TNRC6A: variants seen among roughly 807,000 people sequenced by gnomAD.
TNRC6A encodes the protein trinucleotide repeat-containing gene 6A protein.
Under a neutral mutation model 221.2 loss-of-function variants are expected in TNRC6A, and 44 were observed. The observed-to-expected ratio is 0.20, with a 90% CI of 0.16 to 0.26. The LOEUF is 0.26. Among genes scored for constraint, TNRC6A ranks in the 10% least tolerant of loss-of-function variants. The pLI, the probability that TNRC6A is intolerant of heterozygous loss-of-function variation, is 1.00. For missense variants in TNRC6A, 2,199 were observed against 2,404.4 expected (o/e 0.91, Z 1.79); for synonymous variants, 847 against 838.5 (o/e 1.01, Z -0.18).
intron 1 of TNRC6A, among the ~76,000 whole-genome samples, chr16:24,613,805 G>T (rs1269735793): frequency 6.6e-6 from 1 of 152,038 alleles, no homozygotes; most frequent in East Asian, 1.9e-4. Context: ...CAAAGTGCTG[G>T]GACTACAGGC....
Position 24,789,777 on chromosome 16 carries a change from G to T in TNRC6A, c.1135G>T (p.Ala379Ser), listed in dbSNP as rs201735810. The change falls in exon 6 of 25, where the codon GCC (alanine) becomes TCC (serine). Residue 379 changes from alanine (A) to serine (S), a missense_variant. By Grantham distance (99) the Ala-to-Ser change is moderately conservative. Around this residue, in one of 8 missense-constraint regions of TNRC6A, gnomAD observed 1,405 missense variants for 1,400.2 expected, o/e 1.00. Transcript: ENST00000395799. ...AWPVLENNGL[A>S]LKGPVGSGSS... is the part of the protein sequence containing the mutation. ...GCCAGTATTAGAGAACAATGGACTT[G>T]CCCTAAAAGGGCCTGTAGGGAGTGG... The T allele has an allele frequency of 6.9e-5, 111 of 1,614,176 alleles. 1 individual carries two copies. Among genetic ancestry groups the T allele is most frequent in the South Asian group, 6.3e-4 (57 of 91,086 alleles).
chr16:24,696,486 A>G (rs1373666711), intron 2 of TNRC6A, among the ~76,000 whole-genome samples: 1 of 151,790 alleles, frequency 6.6e-6, no homozygotes, highest in Non-Finnish European at 1.5e-5. Flanking sequence ...ATCCTAGTAC[A>G]CTGGGAGGCT....
intron 18 of TNRC6A, among the ~76,000 whole-genome samples, chr16:24,813,167 A>G (rs1197339032): frequency 6.6e-6 from 1 of 151,980 alleles, no homozygotes; most frequent in Admixed American, 6.6e-5. Context: ...GTGAGCCACC[A>G]TGCCTTGCCT....
intron 1 of TNRC6A, among the ~76,000 whole-genome samples, chr16:24,610,978 T>A (rs984945248): frequency 1.3e-5 from 2 of 151,918 alleles, no homozygotes; most frequent in Non-Finnish European, 2.9e-5. Flanking sequence ...ACCCGTCTAA[T>A]TTTTTTGTAT....
intron 9 of TNRC6A, 181 bp downstream of exon 9, chr16:24,796,120 G>C: frequency 1.9e-6 from 1 of 538,952 alleles, no homozygotes; most frequent in Non-Finnish European, 3.3e-6. Flanking sequence ...GGGGCATTAG[G>C]AGAGCTTCAT....
intron 5 of TNRC6A, among the ~76,000 whole-genome samples, chr16:24,787,718 A>G (rs549590531): frequency 3.2e-4 from 48 of 152,312 alleles, no homozygotes; most frequent in Admixed American, 6.5e-4. Flanking sequence ...ATGCATTTAT[A>G]TCATTTCCGG....
intron 2 of TNRC6A, among the ~76,000 whole-genome samples, chr16:24,653,264 C>T (rs2141857152): frequency 6.6e-6 from 1 of 152,242 alleles, no homozygotes; most frequent in Middle Eastern, 3.4e-3. Flanking sequence ...ACCACGATGA[C>T]AATGATGAGA....
chr16:24,718,484 A>G (rs1489689944), intron 2 of TNRC6A, among the ~76,000 whole-genome samples: 1 of 152,178 alleles, frequency 6.6e-6, no homozygotes, highest in Non-Finnish European at 1.5e-5. Flanking sequence ...AGAGGAAATA[A>G]CATGTTCAAG....
intron 2 of TNRC6A, among the ~76,000 whole-genome samples, chr16:24,651,182 G>A (rs1213318853): frequency 7.4e-6 from 1 of 135,444 alleles, no homozygotes; most frequent in Non-Finnish European, 1.6e-5. Flanking sequence ...AACTGGGTAT[G>A]GCAAAAAAAA....
chr16:24,792,785 ATTT>A (rs34453471), intron 6 of TNRC6A, among the ~76,000 whole-genome samples: 6 of 120,414 alleles, frequency 5.0e-5, no homozygotes, highest in Non-Finnish European at 5.1e-5. Context: ...TTGTGGCACA[ATTT>A]TTTTTTTTTT....
rs764403989 is a variant in TNRC6A at position 24,791,676 on chromosome 16, A to G, written c.3034A>G (p.Ser1012Gly). 1 of 1,613,924 alleles carries G rather than the reference A, an allele frequency of 6.2e-7. No individual in the cohort carries two copies. Among genetic ancestry groups the G allele is most frequent in the Non-Finnish European group, 8.5e-7 (1 of 1,179,948 alleles). ...DDGTSAWGDP[S>G]KYNYKNVNMW... ...TGGAACTTCAGCTTGGGGAGATCCA[A>G]GCAAATACAACTACAAAAATGTGAA... The change falls in exon 6 of 25, where the codon AGC (serine) becomes GGC (glycine). Residue 1012 changes from serine to glycine, a missense_variant. Around this residue, in one of 8 missense-constraint regions of TNRC6A, gnomAD observed 1,405 missense variants for 1,400.2 expected, o/e 1.00. Coordinates refer to ENST00000395799, the MANE Select transcript of TNRC6A (RefSeq NM_014494.4).
intron 1 of TNRC6A, among the ~76,000 whole-genome samples, chr16:24,611,970 T>C (rs992476507): frequency 2.0e-5 from 3 of 152,120 alleles, no homozygotes; most frequent in Admixed American, 6.6e-5. Context: ...GGTGCACATC[T>C]GTAATCCCAG....
intron 2 of TNRC6A, among the ~76,000 whole-genome samples, chr16:24,715,153 T>C (rs2056288855): frequency 6.6e-6 from 1 of 152,226 alleles, no homozygotes; most frequent in Non-Finnish European, 1.5e-5. Context: ...TATATTTATA[T>C]AAATGTTCTA....
At chr16:24,698,139 G>A (rs187180396) in intron 2 of TNRC6A, among the ~76,000 whole-genome samples, 47 of 152,040 alleles carry the variant, frequency 3.1e-4, no homozygotes, top group Non-Finnish European at 5.3e-4. Flanking sequence ...ACCAGCCTGG[G>A]CAACATAGCG....
intron 18 of TNRC6A, among the ~76,000 whole-genome samples, chr16:24,813,610 G>A (rs1354783558): frequency 2.6e-5 from 4 of 152,166 alleles, no homozygotes; most frequent in Non-Finnish European, 5.9e-5. Flanking sequence ...TCAGTCAGTG[G>A]TCAGCAGATC....
At chr16:24,659,719 A>C (rs1379485784) in intron 2 of TNRC6A, among the ~76,000 whole-genome samples, 2 of 152,246 alleles carry the variant, frequency 1.3e-5, no homozygotes, top group African/African-American at 2.4e-5. Flanking sequence ...CTGGGATTAC[A>C]GGCATGAGCT....
intron 2 of TNRC6A, among the ~76,000 whole-genome samples, chr16:24,719,513 A>T (rs2151082716): frequency 6.6e-6 from 1 of 152,194 alleles, no homozygotes; most frequent in African/African-American, 2.4e-5. Flanking sequence ...TATAAAAATT[A>T]TCTGGGTGTG....
At chr16:24,812,131 C>T (rs542839743) in intron 18 of TNRC6A, among the ~76,000 whole-genome samples, 9 of 136,714 alleles carry the variant, frequency 6.6e-5, no homozygotes, top group African/African-American at 2.4e-4. Flanking sequence ...CTCACTGCAA[C>T]CCTCGTCTCT....
At chr16:24,671,057 A>G (rs1266887575) in intron 2 of TNRC6A, 1 of 351,340 alleles carries the variant, frequency 2.8e-6, no homozygotes, top group South Asian at 2.1e-5. Context: ...ACCCTCCGAC[A>G]GCACTGCAGC....
Sources: gnomAD v4.1 joint callset for allele counts (sites outside exome capture counted in the v4.1 genomes callset) on GRCh38, gnomAD v4.1.1 for gene constraint, gnomAD v4.1.1 regional missense constraint, MANE v1.5 for transcripts, NCBI Gene and HGNC (gene_info 2026-07-23, HGNC 2026-07-21) for gene names.